The following TNS1 variants were observed in gnomAD, a reference collection of about 807,000 sequenced individuals.
The protein encoded by TNS1 is tensin-1.
A neutral mutation model predicts 168.6 loss-of-function variants in TNS1; 62 were observed. That is an observed-to-expected ratio of 0.37 (90% CI 0.30 to 0.45). TNS1 has a LOEUF of 0.45. Ranked by LOEUF, TNS1 falls within the 20% of genes least tolerant of loss-of-function variation. The pLI is 1.00. For missense variants in TNS1, 2,240 were observed against 2,339.4 expected (o/e 0.96, Z 0.88); for synonymous variants, 934 against 933.2 (o/e 1.00, Z -0.02).
chr2:217,952,362 G>A (rs1031630842), intron 3 of TNS1, among the ~76,000 whole-genome samples: 2 of 152,182 alleles, frequency 1.3e-5, no homozygotes, highest in African/African-American at 4.8e-5. Flanking sequence ...GGGGTGATAG[G>A]ACTTGATTCC....
chr2:217,874,023 AACACACAC>A (rs3838561), intron 18 of TNS1, among the ~76,000 whole-genome samples: 22 of 111,544 alleles, frequency 2.0e-4, no homozygotes, highest in Non-Finnish European at 3.1e-4. Flanking sequence ...CCCCCCAACC[AACACACAC>A]ACACACACAC....
intron 3 of TNS1, among the ~76,000 whole-genome samples, chr2:217,952,082 C>G (rs940622737): frequency 3.9e-5 from 6 of 152,210 alleles, no homozygotes; most frequent in Non-Finnish European, 8.8e-5. Context: ...AAGGAACAAA[C>G]ACAAACACAC....
intron 3 of TNS1, among the ~76,000 whole-genome samples, chr2:217,929,379 G>C (rs1956196288): frequency 6.6e-6 from 1 of 152,154 alleles, no homozygotes; most frequent in Admixed American, 6.5e-5. Flanking sequence ...TGATGAGCAG[G>C]GGGGTCAGAG....
chr2:217,957,357 C>G (rs1957391283), intron 3 of TNS1, among the ~76,000 whole-genome samples: 1 of 152,196 alleles, frequency 6.6e-6, no homozygotes, highest in South Asian at 2.1e-4. Context: ...GCATACACAC[C>G]CAGCCCCTTC....
intron 6 of TNS1, 145 bp downstream of exon 6, chr2:217,906,190 T>C (rs1391093128): frequency 1.6e-6 from 1 of 607,126 alleles, no homozygotes; most frequent in Non-Finnish European, 3.0e-6. Context: ...TGTAAGGAAA[T>C]GGGCCTGCCC....
At chr2:217,998,221 G>GTCTCTCTCTCTCTCTCTCTC (rs60663810) in intron 1 of TNS1, among the ~76,000 whole-genome samples, 11 of 149,458 alleles carry the variant, frequency 7.4e-5, no homozygotes, top group Admixed American at 2.0e-4. Context: ...CTCCATCAGT[G>GTCTCTCTCTCTCTCTCTCTC]TCTCTCTCTC....
At chr2:218,024,323 A>T (rs1958834369) in intron 1 of TNS1, among the ~76,000 whole-genome samples, 1 of 143,874 alleles carries the variant, frequency 7.0e-6, no homozygotes, top group South Asian at 2.5e-4. Flanking sequence ...CCCCCACGGA[A>T]TACTACCTCC....
At chr2:217,858,902 A>ACCGG (rs1479708404) in intron 18 of TNS1, among the ~76,000 whole-genome samples, 1 of 151,042 alleles carries the variant, frequency 6.6e-6, no homozygotes, top group African/African-American at 2.4e-5. Context: ...CTTCACTCCC[A>ACCGG]CCGGCCGGGA....
At position 218,001,297 on chromosome 2, in the gene TNS1, G is replaced by A. The variant is rs148905733; in HGVS notation, c.33+1543C>T. On this transcript the variant is annotated intron_variant, in intron 1 of 32. Coordinates refer to ENST00000682258, the MANE Select transcript of TNS1 (RefSeq NM_001387777.1). Reference sequence around the variant, plus strand: ...TCTACCTGCCAGGCACTGCCCTGGGGAATTGGATACAAAATTTCATCCCTA... The same window carrying A: ...TCTACCTGCCAGGCACTGCCCTGGGAAATTGGATACAAAATTTCATCCCTA... Among the ~76,000 whole-genome samples the A allele has an allele frequency of 3.9e-3, 600 of 152,242 alleles. 3 individuals are homozygous for A. Among genetic ancestry groups the A allele is most frequent in the African/African-American group, 0.014 (566 of 41,528 alleles).
At chr2:217,873,112 T>C (rs1309003540) in intron 18 of TNS1, among the ~76,000 whole-genome samples, 3 of 152,222 alleles carry the variant, frequency 2.0e-5, no homozygotes, top group Admixed American at 6.5e-5. Context: ...ATTACGGTGA[T>C]GGTTGTACAA....
rs907696228 is a variant in TNS1, at chr2:217,810,228, A to G, written c.5104+20T>C. ...GAAAGAGAGGCCTGGGCATGGGTAC[A>G]GTTTCAGGTGACCACTCACCTGCCC... On this transcript the variant is annotated intron_variant, in intron 29 of 32. Coordinates refer to ENST00000682258, the MANE Select transcript of TNS1 (RefSeq NM_001387777.1). 2.5e-6 allele frequency: 4 copies of G among 1,613,260 alleles called. No homozygotes were observed. Among genetic ancestry groups the G allele is most frequent in the Non-Finnish European group, 2.5e-6 (3 of 1,179,772 alleles).
At chr2:218,015,289 T>C (rs1271128022), upstream of TNS1, among the ~76,000 whole-genome samples, 1 of 151,968 alleles carries the variant, frequency 6.6e-6, no homozygotes, top group Non-Finnish European at 1.5e-5. Context: ...CCCTCATTCC[T>C]GAGTCACGGC....
intron 20 of TNS1, 107 bp downstream of exon 20, chr2:217,835,908 A>G (rs1214011698): frequency 9.0e-6 from 9 of 1,005,398 alleles, no homozygotes; most frequent in Non-Finnish European, 1.0e-5. Context: ...GGGGAGACAA[A>G]TCACTGAGTA....
Position 217,813,443 on chromosome 2 carries a change from G to T in TNS1, c.4862-136C>A. 1 of 929,886 alleles carries T rather than the reference G, an allele frequency of 1.1e-6. No homozygotes were observed. The highest frequency in any genetic ancestry group is 1.7e-6 in the Non-Finnish European group (1 of 604,548). The allele number at this position is 929,886 out of a possible 1,614,324, so 57.6% of individuals were successfully genotyped here. On this transcript the variant is annotated intron_variant, in intron 26 of 32. Transcript: ENST00000682258. This position sits in a 1 kb window ranked among gnomAD's most constrained non-coding sequence, Gnocchi z 4.0. ...TGACTGAAGAGAGAACGTGGCTGGA[G>T]CCCCATGGACTGCAGAGCCCACTGC...
intron 18 of TNS1, among the ~76,000 whole-genome samples, chr2:217,853,450 T>A (rs549231505): frequency 6.6e-6 from 1 of 152,194 alleles, no homozygotes; most frequent in East Asian, 1.9e-4. Context: ...TTGGGGGCTG[T>A]GGGCATTGTC....
chr2:217,828,188 G>T (rs1943890317), intron 22 of TNS1, among the ~76,000 whole-genome samples: 2 of 152,348 alleles, frequency 1.3e-5, no homozygotes, highest in African/African-American at 4.8e-5. Flanking sequence ...GTTCCCAGCA[G>T]AGGGAAGCAT....
In TNS1 at chr2:217,958,003, T is replaced by TCACACACACA. The variant is rs57381974; in HGVS notation, c.186+20752_186+20761dup. On this transcript the variant is annotated intron_variant, in intron 3 of 32. Coordinates refer to ENST00000682258, the MANE Select transcript of TNS1 (RefSeq NM_001387777.1). ...TTTTAAATCTCCCATAATAAAGAAT[T>TCACACACACA]CACACACACACACACACACACACAC... Among the ~76,000 whole-genome samples, 505 of 145,824 alleles carry TCACACACACA rather than the reference T, an allele frequency of 3.5e-3. 2 individuals are homozygous for TCACACACACA. The highest frequency in any genetic ancestry group is 9.6e-3 in the African/African-American group (371 of 38,618).
chr2:217,814,728 G>GC (rs2125129831), intron 25 of TNS1, among the ~76,000 whole-genome samples, 184 bp downstream of exon 25: 1 of 152,314 alleles, frequency 6.6e-6, no homozygotes, highest in Non-Finnish European at 1.5e-5. Flanking sequence ...TACAACTACT[G>GC]CTTCTGTGTT....
In TNS1 at chr2:217,808,728, C is replaced by T. The variant is rs536620758; in HGVS notation, c.5274-57G>A. 6.5e-6 allele frequency: 10 copies of T among 1,537,740 alleles called. No individual in the cohort carries two copies. The East Asian group carries it at 1.1e-4, about 17-fold the overall frequency. Reference sequence around the variant, plus strand: ...GAGTGCTGAAGGGGCTGCTTTTCCCCTCCTTCCACCAGCAGGTCAGGCCAC... The same window carrying T: ...GAGTGCTGAAGGGGCTGCTTTTCCCTTCCTTCCACCAGCAGGTCAGGCCAC... On this transcript the variant is annotated intron_variant, in intron 30 of 32. Coordinates refer to ENST00000682258, the MANE Select transcript of TNS1 (RefSeq NM_001387777.1).
Sources: allele counts gnomAD v4.1 joint callset (sites outside exome capture counted in the v4.1 genomes callset), GRCh38; gene constraint gnomAD v4.1.1; non-coding constraint Gnocchi (gnomAD v3.1); transcripts MANE v1.5; gene names NCBI Gene and HGNC (gene_info 2026-07-23, HGNC 2026-07-21).